The following MGAM variants were observed in gnomAD, a reference collection of about 807,000 sequenced individuals.
MGAM encodes alpha-1,4-glucosidase.
In MGAM, 253 loss-of-function variants were observed where a neutral mutation model predicts 358.8. That is an observed-to-expected ratio of 0.71 (90% CI 0.64 to 0.78). MGAM has a LOEUF of 0.78. MGAM is among the 30% of genes least tolerant of loss of function. MGAM has a pLI of 0.00. For missense variants in MGAM, 3,080 were observed against 3,432.6 expected (o/e 0.90, Z 2.57); for synonymous variants, 1,105 against 1,227.1 (o/e 0.90, Z 2.08).
intron 3 of MGAM, 55 bp downstream of exon 3, chr7:142,008,760 T>C: frequency 6.9e-7 from 1 of 1,443,746 alleles, no homozygotes; most frequent in South Asian, 1.3e-5. Flanking sequence ...TGATAGTTTA[T>C]TTTTTTTTGT....
chr7:142,104,781 A>G (rs1415355415), intron 70 of MGAM, among the ~76,000 whole-genome samples: 2 of 152,172 alleles, frequency 1.3e-5, no homozygotes, highest in Non-Finnish European at 2.9e-5. Flanking sequence ...TAAATATGTG[A>G]AAAATCTGTA....
At chr7:142,041,165 T>C (rs1179368248) in intron 21 of MGAM, among the ~76,000 whole-genome samples, 1 of 152,124 alleles carries the variant, frequency 6.6e-6, no homozygotes, top group Non-Finnish European at 1.5e-5. Flanking sequence ...CCACTAAGAT[T>C]TCTTTCTTGT....
chr7:142,014,573 T>A (rs1464521484), intron 3 of MGAM, among the ~76,000 whole-genome samples: 1 of 152,038 alleles, frequency 6.6e-6, no homozygotes, highest in Non-Finnish European at 1.5e-5. Flanking sequence ...AGAGATGAAG[T>A]CCCCCACGCA....
At chr7:142,047,934 C>T in intron 22 of MGAM, 61 bp downstream of exon 22, 5 of 1,256,256 alleles carry the variant, frequency 4.0e-6, no homozygotes, top group Admixed American at 3.7e-5. Context: ...TATGGTCCTT[C>T]ACTCCTGCTG....
intron 4 of MGAM, among the ~76,000 whole-genome samples, chr7:142,019,542 C>G (rs1806250355): frequency 6.6e-6 from 1 of 152,144 alleles, no homozygotes; most frequent in Admixed American, 6.5e-5. Context: ...TCCAACTTCC[C>G]CATTTATGGA....
At chr7:142,073,900 T>A (rs894875436) in intron 44 of MGAM, among the ~76,000 whole-genome samples, 185 bp from the exon 45 acceptor site, 4 of 146,526 alleles carry the variant, frequency 2.7e-5, no homozygotes, top group African/African-American at 9.7e-5. Context: ...GGGGTGTTTC[T>A]ATCTCCTGTG....
At chr7:142,045,297 A>T (rs1283149085) in intron 21 of MGAM, among the ~76,000 whole-genome samples, 1 of 111,458 alleles carries the variant, frequency 9.0e-6, no homozygotes, top group Non-Finnish European at 1.7e-5. Context: ...GATATATAAT[A>T]TATATTATAT....
At chr7:142,100,676 G>A in intron 67 of MGAM, 126 bp from the exon 68 acceptor site, 1 of 788,342 alleles carries the variant, frequency 1.3e-6, no homozygotes, top group Non-Finnish European at 2.2e-6. Context: ...CAAGTCTCTT[G>A]AATTCTAGTA....
rs777301083 is a variant in MGAM at position 142,092,781 on chromosome 7, T to A, written c.7033+173T>A. On this transcript the variant is annotated intron_variant, in intron 59 of 70. Transcript: ENST00000475668. ...CACGCGCTTTACCCAGCTGGGCATG[T>A]GCAAGTGACTAGACTCATTGCACAA... is the stretch of plus-strand genomic sequence containing the variant. Among the ~76,000 whole-genome samples, 109 of 146,942 alleles carry A rather than the reference T, an allele frequency of 7.4e-4. 17 individuals are homozygous for A. Among genetic ancestry groups the A allele is most frequent in the Middle Eastern group, 7.1e-3 (2 of 280 alleles).
Position 142,074,155 on chromosome 7 carries a change from G to A in MGAM, c.5257G>A (p.Asp1753Asn). ...AGAAGCAAAAGGAGAACTTTTCTGG[G>A]ATGATGGGCAAACAAAGGGTGAGCG... ...NKEAKGELFW[D>N]DGQTKDTVAK... Residue 1753 changes from aspartate to asparagine, a missense_variant, in exon 45 of 71, where the codon GAT (aspartate) becomes AAT (asparagine). This residue lies in a region of MGAM where 932 missense variants were observed against 1,198.2 expected (regional missense o/e 0.78). Transcript: ENST00000475668. 6.5e-7 allele frequency: 1 copy of A among 1,539,424 alleles called. No homozygotes were observed.
intron 1 of MGAM, among the ~76,000 whole-genome samples, chr7:142,000,448 G>A (rs1010245101): frequency 6.6e-6 from 1 of 152,246 alleles, no homozygotes; most frequent in East Asian, 1.9e-4. Context: ...GCCTAGTCTT[G>A]GAAGTTAGAT....
rs1806209729 is a variant in MGAM at position 142,019,209 on chromosome 7, A to T, written c.338A>T (p.Asp113Val). 1 of 1,613,350 alleles carries T rather than the reference A, an allele frequency of 6.2e-7. No individual in the cohort carries two copies. The highest frequency in any genetic ancestry group is 1.3e-5 in the African/African-American group (1 of 75,034). The change falls in exon 4 of 71, where the codon GAC (aspartate) becomes GTC (valine). Residue 113 changes from aspartate to valine, a missense_variant. By Grantham distance (152) the Asp-to-Val change is radical (BLOSUM62 -3). Coordinates refer to ENST00000475668, the MANE Select transcript of MGAM (RefSeq NM_001365693.1). ...AACCTCTTGTTTCAGGCCACATGTG[A>T]CCAACGTGGCTGTTGCTGGAATCCC... ...PDQPPTKATC[D>V]QRGCCWNPQG...
At position 142,094,528 on chromosome 7, in the gene MGAM, G is replaced by C. The variant is rs146744961; in HGVS notation, c.7306+31G>C. On this transcript the variant is annotated intron_variant, in intron 61 of 70. Transcript: ENST00000475668. ...TGGGTCCTTCCCAGGGCCTGTGCCG[G>C]TAGGGCAGGGAGTTGGGATCCTTGG... 4.5e-6 allele frequency: 7 copies of C among 1,554,896 alleles called. 3 individuals carry two copies. Among genetic ancestry groups the C allele is most frequent in the Non-Finnish European group, 6.2e-6 (7 of 1,131,906 alleles).
At chr7:142,083,466 C>A in intron 53 of MGAM, 53 bp downstream of exon 53, 1 of 1,249,328 alleles carries the variant, frequency 8.0e-7, no homozygotes, top group Non-Finnish European at 1.1e-6. Flanking sequence ...ATTCTGGGTG[C>A]CAGAGCCCAC....
At position 142,103,472 on chromosome 7, in the gene MGAM, C is replaced by CTCCA. The variant is rs1816604962; in HGVS notation, c.8184+34_8184+37dup. ...ACCAGCAAAAAGTGCGAATGGTATT[C>CTCCA]TCCACCCTTAATATGCCTAGTGCAG... On this transcript the variant is annotated intron_variant, in intron 70 of 70. Coordinates refer to ENST00000475668, the MANE Select transcript of MGAM (RefSeq NM_001365693.1). The CTCCA allele has an allele frequency of 2.6e-6, 4 of 1,552,784 alleles. No individual in the cohort carries two copies. In the African/African-American group the frequency reaches 5.5e-5, roughly 21 times the overall value.
intron 3 of MGAM, among the ~76,000 whole-genome samples, chr7:142,014,578 C>G (rs950651655): frequency 2.1e-4 from 32 of 152,042 alleles, no homozygotes; most frequent in African/African-American, 6.8e-4. Flanking sequence ...TGAAGTCCCC[C>G]ACGCATATCC....
chr7:142,065,610 T>G lies in MGAM; in HGVS notation c.4641T>G (p.Phe1547Leu). 1 of 1,612,672 alleles carries G rather than the reference T, an allele frequency of 6.2e-7. No homozygotes were observed. The change falls in exon 39 of 71, where the codon TTT becomes TTG. Residue 1547 changes from phenylalanine (F) to leucine (L), a missense_variant. Transcript: ENST00000475668. ...SIIGMMEFSL[F>L]GISYTGADIC... ...CAGGCATGATGGAGTTCAGCCTCTT[T>G]GGCATATCCTATGTGAGTGTCCTTG...
chr7:141,989,706 T>C (rs1370588739), intron 2 of MGAM, among the ~76,000 whole-genome samples: 1 of 152,076 alleles, frequency 6.6e-6, no homozygotes, highest in Non-Finnish European at 1.5e-5. Context: ...AAGTGCATTC[T>C]CCAAATTTTC....
In MGAM at chr7:142,076,543, G is replaced by A. The variant is rs1462303618; in HGVS notation, c.5326-116G>A. On this transcript the variant is annotated intron_variant, in intron 46 of 70. Transcript: ENST00000475668. ...TGAGCAGACACTAGTAGAGAAAGCA[G>A]AGAGGCATTCATGGCAGTGGGGGGT... is the stretch of plus-strand genomic sequence containing the variant. The A allele has an allele frequency of 6.0e-6, 6 of 1,005,382 alleles. 1 individual carries two copies. The highest frequency in any genetic ancestry group is 3.1e-5 in the African/African-American group (2 of 64,588). The allele number at this position is 1,005,382 out of a possible 1,614,324, so 62.3% of individuals were successfully genotyped here.
Sources: allele counts gnomAD v4.1 joint callset (sites outside exome capture counted in the v4.1 genomes callset), GRCh38; gene constraint gnomAD v4.1.1; regional missense constraint gnomAD v4.1.1; transcripts MANE v1.5; gene names NCBI Gene and HGNC (gene_info 2026-07-23, HGNC 2026-07-21).